MPDZ: variants seen among roughly 807,000 people sequenced by gnomAD.
MPDZ encodes the protein multiple PDZ domain protein.
MPDZ carries 234 observed loss-of-function variants against 239.1 expected under a neutral mutation model. The observed-to-expected ratio is 0.98, with a 90% CI of 0.88 to 1.09. The LOEUF (loss-of-function observed/expected upper bound fraction) is 1.09. Ranked by LOEUF, MPDZ falls within the 50% of genes least tolerant of loss-of-function variation. The probability of loss-of-function intolerance (pLI) is 0.00; values close to 1 mark genes in which losing one functional copy is unlikely to be tolerated. For missense variants in MPDZ, 3,175 were observed against 2,510.0 expected (o/e 1.26, Z -5.66); for synonymous variants, 1,048 against 881.3 (o/e 1.19, Z -3.35).
chr9:13,182,437 G>A (rs553644603), intron 19 of MPDZ, among the ~76,000 whole-genome samples: 1 of 151,976 alleles, frequency 6.6e-6, no homozygotes, highest in Admixed American at 6.6e-5. Flanking sequence ...TTTTCTCCAA[G>A]GATAACTTCT....
intron 13 of MPDZ, among the ~76,000 whole-genome samples, chr9:13,194,194 C>T (rs1285262048): frequency 6.6e-6 from 1 of 152,106 alleles, no homozygotes; most frequent in Non-Finnish European, 1.5e-5. Context: ...TGTCTTATTA[C>T]CTTTATCTTG....
chr9:13,158,300 T>G (rs1182824590), intron 23 of MPDZ, among the ~76,000 whole-genome samples, 190 bp from the exon 24 acceptor site: 1 of 152,146 alleles, frequency 6.6e-6, no homozygotes, highest in Non-Finnish European at 1.5e-5. Flanking sequence ...AAACCTTGCT[T>G]TAGAATCAAC....
chr9:13,279,415 C>T lies in MPDZ; in HGVS notation c.-73G>A, dbSNP rs1367256979. 6.8e-6 allele frequency: 1 copy of T among 147,084 alleles called. No homozygotes were observed. The highest frequency in any genetic ancestry group is 2.5e-5 in the African/African-American group (1 of 40,702). 9.1% of individuals were successfully genotyped at this position (147,084 alleles called of 1,614,324 possible). A position where few individuals can be genotyped will look rare whatever the true frequency, so the allele number is the denominator to read the frequency against. On this transcript the variant is annotated 5_prime_UTR_variant, in exon 1 of 47. Transcript: ENST00000319217. ...CGCCGCTTACCCGGCTCGCGGCGCCCGCCCAGGGCCGCGACGCGAGGGGGC... is the reference window on the plus strand; with the variant it reads ...CGCCGCTTACCCGGCTCGCGGCGCCTGCCCAGGGCCGCGACGCGAGGGGGC...
chr9:13,275,690 T>C (rs527501019), intron 1 of MPDZ, among the ~76,000 whole-genome samples: 1 of 152,330 alleles, frequency 6.6e-6, no homozygotes, highest in East Asian at 1.9e-4. Flanking sequence ...GAAGGAAATG[T>C]GACTTGGGTT....
intron 39 of MPDZ, among the ~76,000 whole-genome samples, chr9:13,117,466 G>T (rs544824287): frequency 6.6e-6 from 1 of 150,498 alleles, no homozygotes; most frequent in Non-Finnish European, 1.5e-5. Flanking sequence ...GGGAGGCGGA[G>T]CTTGCAGTGA....
At chr9:13,228,349 C>T (rs1419817506) in intron 3 of MPDZ, among the ~76,000 whole-genome samples, 4 of 151,896 alleles carry the variant, frequency 2.6e-5, no homozygotes, top group Admixed American at 2.0e-4. Context: ...ACAACTTATT[C>T]AATTTAAAAG....
chr9:13,128,515 AC>A (rs1945447145), intron 32 of MPDZ, among the ~76,000 whole-genome samples: 1 of 152,156 alleles, frequency 6.6e-6, no homozygotes, highest in Non-Finnish European at 1.5e-5. Context: ...TCTCAGCAGA[AC>A]CCCCAGCTAA....
At chr9:13,275,373 A>G (rs1233588952) in intron 1 of MPDZ, among the ~76,000 whole-genome samples, 1 of 152,252 alleles carries the variant, frequency 6.6e-6, no homozygotes, top group Non-Finnish European at 1.5e-5. Flanking sequence ...GGGAGAACTC[A>G]GCCATCTACA....
intron 35 of MPDZ, among the ~76,000 whole-genome samples, chr9:13,124,968 G>A (rs989368413): frequency 3.9e-5 from 6 of 152,094 alleles, no homozygotes; most frequent in Admixed American, 3.9e-4. Flanking sequence ...AGAAGCTGAG[G>A]CTTTGAGTGG....
At chr9:13,266,204 G>A (rs1971754172) in intron 1 of MPDZ, among the ~76,000 whole-genome samples, 2 of 152,214 alleles carry the variant, frequency 1.3e-5, no homozygotes, top group Admixed American at 1.3e-4. Flanking sequence ...TCCCTTTGCT[G>A]AATGTGGACA....
chr9:13,236,929 T>C (rs1473476264), intron 3 of MPDZ, among the ~76,000 whole-genome samples: 1 of 152,110 alleles, frequency 6.6e-6, no homozygotes, highest in Non-Finnish European at 1.5e-5. Context: ...ACGTTTGATC[T>C]TTTTTAATAG....
chr9:13,139,371 C>T lies in MPDZ; in HGVS notation c.4003+616G>A, dbSNP rs138112089. ...TATTTCCTTAGAAAAGAGAGACTCC[C>T]TATTGGTCCTAATAACAGCTGCCTA... On this transcript the variant is annotated intron_variant, in intron 28 of 46. Coordinates refer to ENST00000319217, the MANE Select transcript of MPDZ (RefSeq NM_001378778.1). Among the ~76,000 whole-genome samples the T allele has an allele frequency of 7.1e-3, 1,083 of 152,252 alleles. 13 individuals carry two copies. The highest frequency in any genetic ancestry group is 0.025 in the African/African-American group (1,037 of 41,528).
chr9:13,279,669 G>A lies in MPDZ; in HGVS notation c.-327C>T, dbSNP rs1406706528. ...CACTTGCGCCGACCGGGGCTGCCGCGGAGGCGGTGGCGGGGCCCAGGCTGC... is the reference window on the plus strand; with the variant it reads ...CACTTGCGCCGACCGGGGCTGCCGCAGAGGCGGTGGCGGGGCCCAGGCTGC... On this transcript the variant is annotated 5_prime_UTR_variant, in exon 1 of 47. Transcript: ENST00000319217. The A allele has an allele frequency of 1.3e-5, 2 of 150,452 alleles. No homozygotes were observed. The highest frequency in any genetic ancestry group is 4.8e-5 in the African/African-American group (2 of 41,242). The allele number at this position is 150,452 out of a possible 1,614,324, so 9.3% of individuals were successfully genotyped here.
At chr9:13,122,460 T>A (rs946349548) in intron 36 of MPDZ, among the ~76,000 whole-genome samples, 1 of 151,732 alleles carries the variant, frequency 6.6e-6, no homozygotes, top group African/African-American at 2.4e-5. Flanking sequence ...ATAAATGAAA[T>A]CACTTTTAAG....
Position 13,222,371 on chromosome 9 carries a change from C to A in MPDZ, c.609G>T (p.Gln203His), listed in dbSNP as rs1351162781. 17 of 1,612,796 alleles carry A rather than the reference C, an allele frequency of 1.1e-5. No individual in the cohort carries two copies. The highest frequency in any genetic ancestry group is 1.4e-5 in the Non-Finnish European group (17 of 1,179,286). The change falls in exon 6 of 47, where the codon CAG becomes CAT. Residue 203 changes from glutamine (Q) to histidine (H), a missense_variant. Physicochemically the swap from Gln to His is conservative, Grantham distance 24. Coordinates refer to ENST00000319217, the MANE Select transcript of MPDZ (RefSeq NM_001378778.1). Reference sequence around the variant, plus strand: ...CTTTCTGCAGGATGCTGATAGCCTGCTGATGTGTAATTGTCTGATCAAGAG... The same window carrying A: ...CTTTCTGCAGGATGCTGATAGCCTGATGATGTGTAATTGTCTGATCAAGAG... ...GQALDQTITH[Q>H]QAISILQKAK...
intron 19 of MPDZ, among the ~76,000 whole-genome samples, chr9:13,182,381 T>G (rs182134107): frequency 8.5e-4 from 130 of 152,224 alleles, no homozygotes; most frequent in African/African-American, 3.1e-3. Context: ...TTCCTCATAA[T>G]ATGTTATAAT....
chr9:13,199,327 TG>T (rs761866446), intron 12 of MPDZ, among the ~76,000 whole-genome samples: 16 of 152,126 alleles, frequency 1.1e-4, no homozygotes, highest in Non-Finnish European at 1.8e-4. Context: ...CTGTGGTGTA[TG>T]CTACTTATTT....
chr9:13,174,251 A>C (rs2134111797), intron 21 of MPDZ, among the ~76,000 whole-genome samples: 1 of 152,284 alleles, frequency 6.6e-6, no homozygotes, highest in Non-Finnish European at 1.5e-5. Context: ...CATGTACAAT[A>C]TTTTAATGCC....
At chr9:13,264,448 A>T (rs1315990067) in intron 1 of MPDZ, among the ~76,000 whole-genome samples, 2 of 152,156 alleles carry the variant, frequency 1.3e-5, no homozygotes, top group African/African-American at 4.8e-5. Flanking sequence ...GTCAAAAAAC[A>T]TATAGGTCAG....
Sources: gnomAD v4.1 joint callset for allele counts (sites outside exome capture counted in the v4.1 genomes callset) on GRCh38, gnomAD v4.1.1 for gene constraint, MANE v1.5 for transcripts, NCBI Gene and HGNC (gene_info 2026-07-23, HGNC 2026-07-21) for gene names.